The following TMED10 variants were observed in gnomAD, a reference collection of about 807,000 sequenced individuals.
TMED10 encodes the protein transmembrane p24 trafficking protein 10.
Under a neutral mutation model 23.1 loss-of-function variants are expected in TMED10, and 7 were observed. The ratio of observed to expected loss-of-function variants is 0.30; its 90% CI spans 0.17 to 0.57. The LOEUF is 0.57. Among genes scored for constraint, TMED10 ranks in the 20% least tolerant of loss-of-function variants. The pLI is 0.91. For synonymous variants in TMED10, 113 were observed against 106.9 expected (o/e 1.06, Z -0.35); for missense variants, 162 against 274.8 (o/e 0.59, Z 2.90).
chr14:75,172,960 G>T (rs539943304), intron 1 of TMED10, among the ~76,000 whole-genome samples: 3 of 152,304 alleles, frequency 2.0e-5, no homozygotes, highest in Non-Finnish European at 4.4e-5. Context: ...CAAAGCAGTG[G>T]TGAGGACAAT....
intron 1 of TMED10, among the ~76,000 whole-genome samples, chr14:75,158,925 AAAATAAAT>A (rs552086877): frequency 6.6e-5 from 10 of 152,008 alleles, no homozygotes; most frequent in African/African-American, 2.4e-4. Flanking sequence ...ATTCCGTTTC[AAAATAAAT>A]AAATAAATAA....
chr14:75,145,332 C>G (rs563950680), intron 3 of TMED10, among the ~76,000 whole-genome samples: 13 of 152,202 alleles, frequency 8.5e-5, no homozygotes, highest in Non-Finnish European at 1.5e-4. Flanking sequence ...CTATAAAGTC[C>G]AAGGATGATG....
At chr14:75,143,577 GCC>G (rs1427543669) in intron 3 of TMED10, among the ~76,000 whole-genome samples, 1 of 152,054 alleles carries the variant, frequency 6.6e-6, no homozygotes, top group Non-Finnish European at 1.5e-5. Context: ...TCCCACCACA[GCC>G]CCCACCAACT....
intron 2 of TMED10, among the ~76,000 whole-genome samples, chr14:75,149,980 G>A (rs960666446): frequency 6.6e-6 from 1 of 152,156 alleles, no homozygotes; most frequent in African/African-American, 2.4e-5. Context: ...GTGCGTGCCT[G>A]TAGTTCCAGC....
At chr14:75,173,665 G>A (rs1896264139) in intron 1 of TMED10, among the ~76,000 whole-genome samples, 1 of 152,160 alleles carries the variant, frequency 6.6e-6, no homozygotes, top group South Asian at 2.1e-4. Context: ...GCAGACACAG[G>A]AGAGCAACTG....
intron 1 of TMED10, among the ~76,000 whole-genome samples, chr14:75,157,642 CAT>C (rs76416253): frequency 0.4 from 61,176 of 151,068 alleles, 12,830 homozygotes; most frequent in Middle Eastern, 0.51. Flanking sequence ...AGAGTGAGAA[CAT>C]GTCTCAATAA....
rs1183805729 is a variant in TMED10 at position 75,135,974 on chromosome 14, G to A, written c.412-88C>T. 10 of 1,540,246 alleles carry A rather than the reference G, an allele frequency of 6.5e-6. No individual in the cohort carries two copies. The Admixed American group carries it at 2.2e-4, about 34-fold the overall frequency. On this transcript the variant is annotated intron_variant, in intron 3 of 4. Coordinates refer to ENST00000303575, the MANE Select transcript of TMED10 (RefSeq NM_006827.6). ...AGGCAACAGAGAAGTCTTTTTTAAA[G>A]TTTCACCAGATTTAAATTCTCTCCT...
chr14:75,161,800 C>CT (rs1287704660), intron 1 of TMED10, among the ~76,000 whole-genome samples: 1 of 150,284 alleles, frequency 6.7e-6, no homozygotes, highest in East Asian at 1.9e-4. Flanking sequence ...CTTTTGGCCA[C>CT]TTGCTAGCAC....
intron 1 of TMED10, among the ~76,000 whole-genome samples, chr14:75,170,865 C>A (rs1051181045): frequency 6.6e-6 from 1 of 152,110 alleles, no homozygotes; most frequent in Admixed American, 6.6e-5. Context: ...ATTTCACAAC[C>A]TTAATGACAT....
At chr14:75,140,068 A>G (rs1300615366) in intron 3 of TMED10, among the ~76,000 whole-genome samples, 2 of 152,174 alleles carry the variant, frequency 1.3e-5, no homozygotes, top group Non-Finnish European at 2.9e-5. Flanking sequence ...AGGAGGCAGT[A>G]TGCATTCAGA....
chr14:75,137,535 C>G (rs1194424891), intron 3 of TMED10, among the ~76,000 whole-genome samples: 3 of 149,468 alleles, frequency 2.0e-5, no homozygotes, highest in Non-Finnish European at 3.0e-5. Flanking sequence ...AATAGCTGGG[C>G]GTGGTGGCGG....
rs1035782335 is a variant in TMED10 at position 75,158,919 on chromosome 14, C to T, written c.226-6776G>A. Among the ~76,000 whole-genome samples the T allele has an allele frequency of 9.2e-5, 14 of 151,942 alleles. No homozygotes were observed. In the East Asian group the frequency reaches 2.1e-3, roughly 23 times the overall value. On this transcript the variant is annotated intron_variant, in intron 1 of 4. Transcript: ENST00000303575. The stretch of plus-strand genomic sequence containing the variant: ...AGCCTGGGCAACAAGAGTGAAATTC[C>T]GTTTCAAAATAAATAAATAAATAAA...
intron 1 of TMED10, among the ~76,000 whole-genome samples, chr14:75,174,157 T>A (rs1896270585): frequency 6.6e-6 from 1 of 152,134 alleles, no homozygotes; most frequent in African/African-American, 2.4e-5. Context: ...TGCTTGGCAT[T>A]CTAGAAAAGA....
intron 1 of TMED10, among the ~76,000 whole-genome samples, chr14:75,171,247 GGAGA>G (rs1175325732): frequency 6.6e-6 from 1 of 151,864 alleles, no homozygotes; most frequent in Non-Finnish European, 1.5e-5. Flanking sequence ...GGAAGGAAAG[GGAGA>G]GAGTTAAAGA....
intron 3 of TMED10, among the ~76,000 whole-genome samples, chr14:75,136,102 T>C (rs931964099): frequency 3.3e-5 from 5 of 152,234 alleles, no homozygotes; most frequent in African/African-American, 7.2e-5. Flanking sequence ...TTGACTAAAA[T>C]CTTAGAAGTA....
chr14:75,163,044 G>A (rs575670168), intron 1 of TMED10, among the ~76,000 whole-genome samples: 6 of 151,632 alleles, frequency 4.0e-5, no homozygotes, highest in Non-Finnish European at 8.8e-5. Context: ...AGACCAGCCT[G>A]GGCAACACAG....
chr14:75,162,312 CG>C (rs1216073217), intron 1 of TMED10, among the ~76,000 whole-genome samples: 1 of 151,978 alleles, frequency 6.6e-6, no homozygotes. Flanking sequence ...TACAAGAATG[CG>C]GGTATGTCAA....
chr14:75,152,223 A>T, intron 1 of TMED10, 80 bp from the exon 2 acceptor site: 4 of 1,100,910 alleles, frequency 3.6e-6, no homozygotes, highest in Non-Finnish European at 5.4e-6. Context: ...AGATAGAGAC[A>T]CTATCTATGA....
chr14:75,172,163 T>G (rs1309556552), intron 1 of TMED10, among the ~76,000 whole-genome samples: 4 of 152,070 alleles, frequency 2.6e-5, no homozygotes, highest in Non-Finnish European at 5.9e-5. Flanking sequence ...CTCCAACAAT[T>G]CAATTGCAAG....
Sources: gnomAD v4.1 joint callset for allele counts (sites outside exome capture counted in the v4.1 genomes callset) on GRCh38, gnomAD v4.1.1 for gene constraint, MANE v1.5 for transcripts, NCBI Gene and HGNC (gene_info 2026-07-23, HGNC 2026-07-21) for gene names.